Variants in DOCK1 observed in about 807,000 individuals in gnomAD.
The protein encoded by DOCK1 is dedicator of cytokinesis protein 1.
Under a neutral mutation model 262.7 loss-of-function variants are expected in DOCK1, and 138 were observed. That is an observed-to-expected ratio of 0.53 (90% CI 0.46 to 0.61). The LOEUF is 0.61. Among genes scored for constraint, DOCK1 ranks in the 20% least tolerant of loss-of-function variants. The probability of loss-of-function intolerance (pLI) is 0.00; values close to 1 mark genes in which losing one functional copy is unlikely to be tolerated. For synonymous variants in DOCK1, 866 were observed against 867.4 expected (o/e 1.00, Z 0.03); for missense variants, 1,908 against 2,370.7 (o/e 0.80, Z 4.05).
intron 1 of DOCK1, among the ~76,000 whole-genome samples, chr10:126,953,154 T>G (rs1394403186): frequency 6.7e-6 from 1 of 149,730 alleles, no homozygotes; most frequent in Non-Finnish European, 1.5e-5. Context: ...TTTCGTAGTG[T>G]TGGTGGTGGT....
intron 27 of DOCK1, chr10:127,138,087 C>G: frequency 7.1e-7 from 1 of 1,417,696 alleles, no homozygotes; most frequent in East Asian, 2.3e-5. Flanking sequence ...CTCTTAGTGT[C>G]AGCAAGATTT....
At chr10:127,200,348 C>T (rs1035882361) in intron 27 of DOCK1, among the ~76,000 whole-genome samples, 2 of 152,132 alleles carry the variant, frequency 1.3e-5, no homozygotes, top group South Asian at 2.1e-4. Flanking sequence ...TGCTCTGCTA[C>T]GAGGGTTTGT....
intron 27 of DOCK1, among the ~76,000 whole-genome samples, chr10:127,160,432 G>A (rs1172857945): frequency 6.6e-6 from 1 of 152,196 alleles, no homozygotes; most frequent in East Asian, 1.9e-4. Context: ...GCAGAGTTCA[G>A]CAGCATGCTG....
intron 46 of DOCK1, among the ~76,000 whole-genome samples, chr10:127,420,931 T>G (rs185344441): frequency 5.3e-5 from 8 of 151,672 alleles, no homozygotes; most frequent in South Asian, 2.1e-4. Context: ...GTTTGTTTGT[T>G]TTGGAGGTGA....
At chr10:127,200,974 A>G (rs2057426888) in intron 27 of DOCK1, among the ~76,000 whole-genome samples, 2 of 152,130 alleles carry the variant, frequency 1.3e-5, no homozygotes, top group African/African-American at 4.8e-5. Context: ...AGCCCAACCT[A>G]AGTCTGTGAT....
At chr10:127,207,110 A>G (rs1156676091) in intron 27 of DOCK1, among the ~76,000 whole-genome samples, 3 of 152,142 alleles carry the variant, frequency 2.0e-5, no homozygotes, top group African/African-American at 7.2e-5. Flanking sequence ...TTTATGGGGG[A>G]AAAAGAAAAA....
At chr10:127,093,817 C>T (rs1372252178) in intron 23 of DOCK1, among the ~76,000 whole-genome samples, 5 of 152,096 alleles carry the variant, frequency 3.3e-5, no homozygotes, top group South Asian at 2.1e-4. Context: ...ACCTGAGACT[C>T]GGTAAAATAC....
At chr10:127,203,638 C>G (rs982467636) in intron 27 of DOCK1, among the ~76,000 whole-genome samples, 21 of 100,342 alleles carry the variant, frequency 2.1e-4, no homozygotes, top group African/African-American at 8.3e-4. Context: ...CCATGTTTTC[C>G]GTAAACGTTT....
chr10:127,082,717 G>A (rs1389837158), intron 23 of DOCK1, among the ~76,000 whole-genome samples: 3 of 152,098 alleles, frequency 2.0e-5, no homozygotes, highest in African/African-American at 4.8e-5. Context: ...AAGAGTGACA[G>A]CAACTGTCTG....
chr10:127,204,467 A>C (rs1467394682), intron 27 of DOCK1, among the ~76,000 whole-genome samples: 2 of 152,146 alleles, frequency 1.3e-5, no homozygotes, highest in East Asian at 3.9e-4. Flanking sequence ...TTGTATTTTT[A>C]GTGGACTTAG....
In DOCK1 at chr10:127,176,147, G is replaced by C; in HGVS notation, c.2847+48383G>C. ...CGGGCACTGTCATGTATTTGCGGTAGGCTGCTCTGCAGGACACGGGCTTGG... is the reference window on the plus strand; with the variant it reads ...CGGGCACTGTCATGTATTTGCGGTACGCTGCTCTGCAGGACACGGGCTTGG... On this transcript the variant is annotated intron_variant, in intron 27 of 51. Transcript: ENST00000623213. This position sits in a 1 kb window ranked among gnomAD's most constrained non-coding sequence, Gnocchi z 4.4. The C allele has an allele frequency of 6.2e-7, 1 of 1,614,108 alleles. No individual in the cohort carries two copies. Among genetic ancestry groups the C allele is most frequent in the Non-Finnish European group, 8.5e-7 (1 of 1,180,030 alleles).
At chr10:126,961,069 A>G (rs2037179996) in intron 1 of DOCK1, among the ~76,000 whole-genome samples, 1 of 152,112 alleles carries the variant, frequency 6.6e-6, no homozygotes, top group East Asian at 1.9e-4. Context: ...ACCAAAAGCC[A>G]AAAAGAAATA....
At chr10:127,374,968 A>G (rs929258853) in intron 35 of DOCK1, among the ~76,000 whole-genome samples, 3 of 152,238 alleles carry the variant, frequency 2.0e-5, no homozygotes, top group African/African-American at 7.2e-5. Flanking sequence ...GTTTATGGTA[A>G]TTTGTTACAG....
chr10:127,130,381 C>T (rs2050250927), intron 27 of DOCK1, among the ~76,000 whole-genome samples: 1 of 152,148 alleles, frequency 6.6e-6, no homozygotes. Context: ...CCACCATGCC[C>T]AGCCTTATTT....
chr10:127,032,962 A>G (rs1335838200), intron 18 of DOCK1, among the ~76,000 whole-genome samples: 2 of 152,250 alleles, frequency 1.3e-5, no homozygotes. Flanking sequence ...ATTTGGAGTC[A>G]GACTAAAAAC....
At chr10:126,955,529 C>T (rs1272900378) in intron 1 of DOCK1, among the ~76,000 whole-genome samples, 1 of 152,092 alleles carries the variant, frequency 6.6e-6, no homozygotes, top group East Asian at 1.9e-4. Flanking sequence ...TCTGTGGAGC[C>T]CCGCCCATGT....
chr10:126,917,148 C>T (rs1015788308), intron 1 of DOCK1, among the ~76,000 whole-genome samples: 1 of 152,210 alleles, frequency 6.6e-6, no homozygotes, highest in Non-Finnish European at 1.5e-5. Context: ...CTCTGGGCAA[C>T]ACCCTGGAGT....
chr10:127,249,187 A>G (rs1385270180), intron 28 of DOCK1, among the ~76,000 whole-genome samples: 2 of 152,150 alleles, frequency 1.3e-5, no homozygotes. Context: ...AGAAATGGGA[A>G]GAAGAGAATG....
At chr10:127,410,769 G>T (rs1232890537) in intron 42 of DOCK1, 71 bp from the exon 43 acceptor site, 6 of 1,431,294 alleles carry the variant, frequency 4.2e-6, no homozygotes, top group Non-Finnish European at 5.8e-6. Flanking sequence ...TCTAAGGCCA[G>T]ACCCCGTGTC....
Sources: gnomAD v4.1 joint callset for allele counts (sites outside exome capture counted in the v4.1 genomes callset) on GRCh38, gnomAD v4.1.1 for gene constraint, Gnocchi (gnomAD v3.1) non-coding constraint, MANE v1.5 for transcripts, NCBI Gene and HGNC (gene_info 2026-07-23, HGNC 2026-07-21) for gene names.